Variants in MGST2 observed in about 807,000 individuals in gnomAD.
The protein encoded by MGST2 is microsomal glutathione S-transferase 2.
MGST2 carries 9 observed loss-of-function variants against 16.6 expected under a neutral mutation model. The ratio of observed to expected loss-of-function variants is 0.54; its 90% CI spans 0.33 to 0.95. The LOEUF (loss-of-function observed/expected upper bound fraction) is 0.95. Ranked by LOEUF, MGST2 falls within the 40% of genes least tolerant of loss-of-function variation. The probability of loss-of-function intolerance (pLI) is 0.03; values close to 1 mark genes in which losing one functional copy is unlikely to be tolerated. For missense variants in MGST2, 159 were observed against 175.1 expected, an observed-to-expected ratio of 0.91 and a Z score of 0.52; for synonymous variants, 79 against 68.0, an observed-to-expected ratio of 1.16 and a Z score of -0.79.
intron 5 of MGST2, chr4:139,717,049 TTATATG>T (rs1334311251): frequency 5.2e-5 from 8 of 152,390 alleles, no homozygotes; most frequent in African/African-American, 1.9e-4. Flanking sequence ...ATATATATAT[TTATATG>T]TATATTTTTT....
chr4:139,693,368 G>GCA (rs1307337567), intron 2 of MGST2, among the ~76,000 whole-genome samples: 4 of 144,794 alleles, frequency 2.8e-5, no homozygotes, highest in Admixed American at 7.2e-5. Flanking sequence ...TCGTGCCACT[G>GCA]CACTCCAGCC....
At chr4:139,684,575 C>T (rs1223706296) in intron 2 of MGST2, among the ~76,000 whole-genome samples, 2 of 152,146 alleles carry the variant, frequency 1.3e-5, no homozygotes, top group Admixed American at 6.5e-5. Flanking sequence ...ATGGCTGGGG[C>T]TTATGATTGG....
chr4:139,689,106 CAAA>C (rs746270352), intron 2 of MGST2, among the ~76,000 whole-genome samples: 30 of 62,372 alleles, frequency 4.8e-4, no homozygotes, highest in East Asian at 8.2e-4. Flanking sequence ...GACGCCATCT[CAAA>C]AAAAAAAAAA....
At chr4:139,668,474 C>A (rs1225574880) in intron 1 of MGST2, among the ~76,000 whole-genome samples, 1 of 152,154 alleles carries the variant, frequency 6.6e-6, no homozygotes, top group Non-Finnish European at 1.5e-5. Flanking sequence ...CAATTTCTTT[C>A]AAGGCCTGCT....
rs1266309353 is a variant in MGST2, at chr4:139,735,679, T to C, written c.*49-4533T>C. The stretch of plus-strand genomic sequence containing the variant: ...GAAATTTAGGGTTTTATTGAAAAAG[T>C]CCCCTGGGGCCTAATTTAGCCTCTC... On this transcript the variant is annotated intron_variant, in intron 5 of 5. Coordinates refer to the MGST2 transcript ENST00000616265. The surrounding 1 kb of genome is among the most constrained non-coding windows in gnomAD (Gnocchi z 5.8). Among the ~76,000 whole-genome samples, 1 of 152,134 alleles carries C rather than the reference T, an allele frequency of 6.6e-6. No individual in the cohort carries two copies. The highest frequency in any genetic ancestry group is 1.5e-5 in the Non-Finnish European group (1 of 68,012).
chr4:139,693,713 A>G (rs952759172), intron 2 of MGST2, among the ~76,000 whole-genome samples: 1 of 152,208 alleles, frequency 6.6e-6, no homozygotes, highest in Non-Finnish European at 1.5e-5. Context: ...TGAGTTCTAG[A>G]AAGTTGTAGT....
At chr4:139,666,107 C>T (rs1001414900) in intron 1 of MGST2, 30 bp downstream of exon 1, 2 of 1,174,856 alleles carry the variant, frequency 1.7e-6, no homozygotes, top group South Asian at 1.9e-5. Flanking sequence ...CGTGTGTGTG[C>T]GCGTGTGTGC....
chr4:139,707,172 G>C (rs1426773164), downstream of MGST2, among the ~76,000 whole-genome samples: 3 of 151,970 alleles, frequency 2.0e-5, no homozygotes, highest in Admixed American at 6.6e-5. Flanking sequence ...TTTAGCATTA[G>C]GTATATCTCC....
the MGST2 span, among the ~76,000 whole-genome samples, chr4:139,747,139 A>G: frequency 6.6e-6 from 1 of 152,178 alleles, no homozygotes; most frequent in Non-Finnish European, 1.5e-5. Context: ...ATGTGCAGGG[A>G]AGTCAATCCT....
intron 2 of MGST2, among the ~76,000 whole-genome samples, chr4:139,694,197 T>TA (rs1726783234): frequency 6.6e-6 from 1 of 151,300 alleles, no homozygotes; most frequent in Admixed American, 6.6e-5. Context: ...TTTTTTTTTT[T>TA]AAATTCAGAG....
intron 2 of MGST2, among the ~76,000 whole-genome samples, chr4:139,683,932 T>G (rs1296095766): frequency 1.4e-5 from 2 of 146,852 alleles, no homozygotes; most frequent in East Asian, 3.9e-4. Context: ...TTTTTTTTTT[T>G]TTTTTTTTTT....
chr4:139,730,997 T>G, intron 5 of MGST2: 2 of 319,128 alleles, frequency 6.3e-6, no homozygotes, highest in Non-Finnish European at 1.2e-5. Context: ...GAATAAGCCC[T>G]CAGGCTGAGC....
At chr4:139,673,614 A>G (rs184856548) in intron 1 of MGST2, among the ~76,000 whole-genome samples, 1 of 152,136 alleles carries the variant, frequency 6.6e-6, no homozygotes, top group African/African-American at 2.4e-5. Context: ...GGTTCTCACT[A>G]TGTTGTCCAG....
At chr4:139,711,472 G>A (rs1195173978) in intron 5 of MGST2, among the ~76,000 whole-genome samples, 1 of 152,124 alleles carries the variant, frequency 6.6e-6, no homozygotes, top group Non-Finnish European at 1.5e-5. Context: ...AACAAGGGGT[G>A]GATTATTCAT....
At chr4:139,670,515 G>A (rs1272295020) in intron 1 of MGST2, among the ~76,000 whole-genome samples, 2 of 152,124 alleles carry the variant, frequency 1.3e-5, no homozygotes, top group Non-Finnish European at 2.9e-5. Context: ...AAAGCCAGGG[G>A]GCTTACAGAT....
chr4:139,699,767 A>G (rs150605887), intron 3 of MGST2, among the ~76,000 whole-genome samples: 92 of 152,348 alleles, frequency 6.0e-4, no homozygotes, highest in African/African-American at 2.1e-3. Flanking sequence ...GGCGAGGCCC[A>G]GAAGCTTATG....
chr4:139,680,513 G>A (rs1731186765), intron 2 of MGST2, among the ~76,000 whole-genome samples: 1 of 152,122 alleles, frequency 6.6e-6, no homozygotes, highest in Admixed American at 6.6e-5. Context: ...GGTGCTTGCT[G>A]CACAGCTGCT....
At chr4:139,720,037 C>T (rs1302843609) in intron 5 of MGST2, 2 of 1,614,084 alleles carry the variant, frequency 1.2e-6, no homozygotes, top group South Asian at 1.1e-5. Flanking sequence ...AGGCAGGTTG[C>T]CTCGGTCCCT....
chr4:139,705,830 A>G (rs564727751), downstream of MGST2: 1 of 152,226 alleles, frequency 6.6e-6, no homozygotes, highest in South Asian at 2.1e-4. Context: ...GGAACCCCCA[A>G]AGCTGTTCTG....
Sources: gnomAD v4.1 joint callset for allele counts (sites outside exome capture counted in the v4.1 genomes callset) on GRCh38, gnomAD v4.1.1 for gene constraint, Gnocchi (gnomAD v3.1) non-coding constraint, MANE v1.5 for transcripts, NCBI Gene and HGNC (gene_info 2026-07-23, HGNC 2026-07-21) for gene names.